Variants in EHMT1 observed in about 807,000 individuals in gnomAD.
The protein encoded by EHMT1 is euchromatic histone lysine methyltransferase 1.
A neutral mutation model predicts 147.2 loss-of-function variants in EHMT1; 15 were observed. That is an observed-to-expected ratio of 0.10 (90% CI 0.07 to 0.16). The LOEUF (loss-of-function observed/expected upper bound fraction) is 0.16. Among genes scored for constraint, EHMT1 ranks in the 10% least tolerant of loss-of-function variants. The pLI is 1.00. For synonymous variants in EHMT1, 795 were observed against 709.6 expected (o/e 1.12, Z -1.91); for missense variants, 1,587 against 1,772.4 (o/e 0.90, Z 1.88).
At chr9:137,632,639 AGCCATCT>A (rs1156563063) in intron 1 of EHMT1, among the ~76,000 whole-genome samples, 1 of 152,192 alleles carries the variant, frequency 6.6e-6, no homozygotes, top group Admixed American at 6.5e-5. Context: ...CTTGGACTCA[AGCCATCT>A]GCCTGCCTTG....
At chr9:137,685,711 C>G (rs1942367660) in intron 1 of EHMT1, among the ~76,000 whole-genome samples, 1 of 152,158 alleles carries the variant, frequency 6.6e-6, no homozygotes, top group Non-Finnish European at 1.5e-5. Context: ...TCAGATTTCT[C>G]TACTCCTCAC....
chr9:137,788,393 C>G, intron 15 of EHMT1: 1 of 276,552 alleles, frequency 3.6e-6, no homozygotes, highest in East Asian at 6.9e-5. Flanking sequence ...GGGTGACGCT[C>G]ACGCAGGTGT....
intron 6 of EHMT1, among the ~76,000 whole-genome samples, chr9:137,751,522 G>C (rs1490625550): frequency 6.6e-6 from 1 of 152,214 alleles, no homozygotes; most frequent in East Asian, 1.9e-4. Flanking sequence ...TAGTGGAATA[G>C]CGCAGCAAAG....
intron 1 of EHMT1, chr9:137,641,426 A>G (rs1844475573): frequency 1.9e-6 from 1 of 532,026 alleles, no homozygotes; most frequent in African/African-American, 1.9e-5. Flanking sequence ...TCACTTCAGC[A>G]CTGGTCAAAC....
In EHMT1 at chr9:137,805,976, T is replaced by C. The variant is rs183969062; in HGVS notation, c.2712+4992T>C. ...GTGCCCGGCCTGGTTTTTTCTTTTT[T>C]TTTTTGGAGACAGTCTCACCCTGTC... is the stretch of plus-strand genomic sequence containing the variant. On this transcript the variant is annotated intron_variant, in intron 18 of 26. Transcript: ENST00000460843. 2.2e-4 allele frequency among the ~76,000 whole-genome samples: 34 copies of C among 151,516 alleles called. 1 individual carries two copies. The East Asian group carries it at 4.9e-3, about 22-fold the overall frequency.
At chr9:137,794,878 G>T (rs1952782032) in intron 16 of EHMT1, among the ~76,000 whole-genome samples, 1 of 152,156 alleles carries the variant, frequency 6.6e-6, no homozygotes, top group Non-Finnish European at 1.5e-5. Context: ...AGGCAGATAA[G>T]CTTGCTTGGA....
At chr9:137,729,391 A>G (rs891911411) in intron 4 of EHMT1, among the ~76,000 whole-genome samples, 1 of 152,152 alleles carries the variant, frequency 6.6e-6, no homozygotes, top group African/African-American at 2.4e-5. Flanking sequence ...GATCGAGACC[A>G]TCCTGGCTAA....
At chr9:137,668,496 A>T (rs12551105) in intron 1 of EHMT1, among the ~76,000 whole-genome samples, 1,581 of 152,254 alleles carry the variant, frequency 0.01, 12 homozygotes, top group Non-Finnish European at 0.016. Context: ...TTAATGACTT[A>T]CTATATACCA....
chr9:137,634,142 G>A (rs529010457), intron 1 of EHMT1, among the ~76,000 whole-genome samples: 2 of 152,072 alleles, frequency 1.3e-5, no homozygotes, highest in South Asian at 4.1e-4. Flanking sequence ...GCCTTCCTTT[G>A]AAGCACAGAT....
At chr9:137,796,248 T>G (rs1952934839) in intron 16 of EHMT1, among the ~76,000 whole-genome samples, 1 of 152,124 alleles carries the variant, frequency 6.6e-6, no homozygotes, top group Non-Finnish European at 1.5e-5. Flanking sequence ...GAAGCGTCTT[T>G]TAAGACACAA....
intron 16 of EHMT1, among the ~76,000 whole-genome samples, chr9:137,793,458 C>T (rs753177331): frequency 1.3e-5 from 2 of 152,228 alleles, no homozygotes; most frequent in Non-Finnish European, 2.9e-5. Context: ...GTAAACGCTG[C>T]AGCCATTGTG....
chr9:137,757,231 C>T (rs1228256240), intron 8 of EHMT1, among the ~76,000 whole-genome samples: 1 of 152,254 alleles, frequency 6.6e-6, no homozygotes, highest in Non-Finnish European at 1.5e-5. Flanking sequence ...GAAGTGTTTG[C>T]ACCCCCCACT....
chr9:137,644,077 T>C (rs1353558041), intron 1 of EHMT1, among the ~76,000 whole-genome samples: 1 of 152,094 alleles, frequency 6.6e-6, no homozygotes, highest in Non-Finnish European at 1.5e-5. Context: ...TGAGCTGTCT[T>C]GGTAAGTGGC....
chr9:137,728,540 C>T lies in EHMT1; in HGVS notation c.823+11C>T. ...CAAAATCACAGACAGGTAAAGAGGA[C>T]CCGGCAACTGTCTCTGCTCTTTGAA... On this transcript the variant is annotated intron_variant, in intron 4 of 26. Transcript: ENST00000460843. 1 of 1,614,004 alleles carries T rather than the reference C, an allele frequency of 6.2e-7. No homozygotes were observed. Among genetic ancestry groups the T allele is most frequent in the East Asian group, 2.2e-5 (1 of 44,870 alleles).
At chr9:137,619,243 G>C (rs1842796845) in intron 1 of EHMT1, among the ~76,000 whole-genome samples, 194 bp downstream of exon 1, 1 of 140,992 alleles carries the variant, frequency 7.1e-6, no homozygotes, top group Non-Finnish European at 1.6e-5. Context: ...CGTCCGGCCC[G>C]CGCTCCCGCC....
intron 10 of EHMT1, among the ~76,000 whole-genome samples, chr9:137,771,945 G>C (rs558219052): frequency 6.6e-6 from 1 of 152,112 alleles, no homozygotes; most frequent in East Asian, 1.9e-4. Flanking sequence ...GAGGAAGGAA[G>C]GGAGGGCATT....
At chr9:137,683,352 A>G (rs904748106) in intron 1 of EHMT1, among the ~76,000 whole-genome samples, 1 of 152,264 alleles carries the variant, frequency 6.6e-6, no homozygotes, top group African/African-American at 2.4e-5. Flanking sequence ...CCAGGGAATT[A>G]ATAAGGCTGG....
At chr9:137,765,014 G>A (rs557118538) in intron 10 of EHMT1, among the ~76,000 whole-genome samples, 50 of 152,394 alleles carry the variant, frequency 3.3e-4, no homozygotes, top group African/African-American at 1.2e-3. Context: ...TGGCGAGAAT[G>A]CTGTGGAGGT....
At chr9:137,633,255 A>C (rs1843743054) in intron 1 of EHMT1, among the ~76,000 whole-genome samples, 1 of 152,182 alleles carries the variant, frequency 6.6e-6, no homozygotes, top group Non-Finnish European at 1.5e-5. Context: ...TCATGCACCA[A>C]GAAGCAAAAT....
Sources: allele counts gnomAD v4.1 joint callset (sites outside exome capture counted in the v4.1 genomes callset), GRCh38; gene constraint gnomAD v4.1.1; transcripts MANE v1.5; gene names NCBI Gene and HGNC (gene_info 2026-07-23, HGNC 2026-07-21).